Variants in RAP1A observed in about 807,000 individuals in gnomAD.
The protein encoded by RAP1A is ras-related protein Rap-1A.
A neutral mutation model predicts 26.4 loss-of-function variants in RAP1A; 6 were observed. The ratio of observed to expected loss-of-function variants is 0.23; its 90% CI spans 0.12 to 0.45. The LOEUF is 0.45. Among genes scored for constraint, RAP1A ranks in the 20% least tolerant of loss-of-function variants. RAP1A has a pLI of 0.99. For missense variants in RAP1A, 121 were observed against 217.2 expected (o/e 0.56, Z 2.78); for synonymous variants, 73 against 79.4 (o/e 0.92, Z 0.43).
chr1:111,616,351 C>T (rs1244659423), upstream of RAP1A, among the ~76,000 whole-genome samples: 1 of 152,200 alleles, frequency 6.6e-6, no homozygotes, highest in Non-Finnish European at 1.5e-5. Flanking sequence ...TCAACCTCTC[C>T]AAACCAATGG....
intron 1 of RAP1A, among the ~76,000 whole-genome samples, chr1:111,659,073 A>G (rs1364488283): frequency 1.3e-5 from 2 of 151,930 alleles, no homozygotes; most frequent in African/African-American, 4.8e-5. Flanking sequence ...TCTTTTTATT[A>G]GTGTTAGCAT....
intron 1 of RAP1A, among the ~76,000 whole-genome samples, chr1:111,561,553 A>G (rs2101047965): frequency 6.6e-6 from 1 of 152,312 alleles, no homozygotes; most frequent in South Asian, 2.1e-4. Flanking sequence ...ACTGAGATAC[A>G]GAGGTCATAG....
At chr1:111,664,226 T>C (rs1288718099) in intron 1 of RAP1A, among the ~76,000 whole-genome samples, 1 of 151,810 alleles carries the variant, frequency 6.6e-6, no homozygotes, top group Non-Finnish European at 1.5e-5. Flanking sequence ...ACAAAAAAAT[T>C]ATCCGGGCAT....
At chr1:111,669,339 T>C (rs182577449) in intron 1 of RAP1A, among the ~76,000 whole-genome samples, 145 of 152,336 alleles carry the variant, frequency 9.5e-4, no homozygotes, top group Non-Finnish European at 1.8e-3. Flanking sequence ...GATTTGACTA[T>C]GTGACAAGGC....
chr1:111,632,187 A>G (rs1168822763), intron 1 of RAP1A, among the ~76,000 whole-genome samples: 1 of 149,004 alleles, frequency 6.7e-6, no homozygotes, highest in African/African-American at 2.5e-5. Context: ...TGAACTCATA[A>G]TTCTGGGTCA....
upstream of RAP1A, among the ~76,000 whole-genome samples, chr1:111,618,035 C>T (rs1443460546): frequency 1.7e-5 from 2 of 117,974 alleles, no homozygotes; most frequent in African/African-American, 3.3e-5. Context: ...GAGCAAGACT[C>T]CGCCTCAAAA....
intron 1 of RAP1A, among the ~76,000 whole-genome samples, chr1:111,613,926 TTC>T (rs1406247331): frequency 2.0e-5 from 3 of 152,210 alleles, no homozygotes; most frequent in African/African-American, 7.2e-5. Flanking sequence ...CTCGCTTATA[TTC>T]TCTCTCTCTA....
intron 3 of RAP1A, among the ~76,000 whole-genome samples, 165 bp from the exon 4 acceptor site, chr1:111,697,276 C>T (rs1329912711): frequency 2.0e-5 from 3 of 152,074 alleles, no homozygotes; most frequent in Admixed American, 1.3e-4. Context: ...TACTTGAGAC[C>T]GCTGTTCTTT....
At chr1:111,623,291 G>A (rs1659280696) in intron 1 of RAP1A, among the ~76,000 whole-genome samples, 3 of 152,084 alleles carry the variant, frequency 2.0e-5, no homozygotes, top group Admixed American at 6.5e-5. Flanking sequence ...CTCCAAAAGT[G>A]TTGGGATTAC....
upstream of RAP1A, among the ~76,000 whole-genome samples, chr1:111,615,604 A>G (rs1658997908): frequency 6.6e-6 from 1 of 152,092 alleles, no homozygotes; most frequent in South Asian, 2.1e-4. Context: ...AGGCTGAGGC[A>G]GGCAGATCAT....
At chr1:111,607,942 A>C (rs1245415249) in intron 1 of RAP1A, among the ~76,000 whole-genome samples, 12 of 109,616 alleles carry the variant, frequency 1.1e-4, no homozygotes, top group Non-Finnish European at 1.9e-4. Context: ...TAGAGGCGGC[A>C]GGGCAGAGGC....
At position 111,716,652 on chromosome 1, in the gene RAP1A, C is replaced by G. The variant is rs1662548859; in HGVS notation, c.*4251C>G. 6.6e-6 allele frequency: 1 copy of G among 152,138 alleles called. No homozygotes were observed. Among genetic ancestry groups the G allele is most frequent in the South Asian group, 2.1e-4 (1 of 4,822 alleles). 9.4% of individuals were successfully genotyped at this position (152,138 alleles called of 1,614,324 possible). ...CTCAAGAAGCAAGAGATTGGCTGTT[C>G]CTCTTGAGGAAAAACCTTAATAAAC... On this transcript the variant is annotated 3_prime_UTR_variant, in exon 8 of 8. Coordinates refer to ENST00000369709, the MANE Select transcript of RAP1A (RefSeq NM_002884.4).
intron 1 of RAP1A, among the ~76,000 whole-genome samples, chr1:111,669,402 G>T (rs6695606): frequency 0.014 from 2,097 of 152,318 alleles, 45 homozygotes; most frequent in African/African-American, 0.049. Context: ...GATCATGCCT[G>T]TGAGAGGAAA....
At chr1:111,696,456 T>C (rs1661829815) in intron 3 of RAP1A, among the ~76,000 whole-genome samples, 2 of 152,184 alleles carry the variant, frequency 1.3e-5, no homozygotes, top group Admixed American at 1.3e-4. Flanking sequence ...TCACTGAACA[T>C]TCCCAGTTAC....
chr1:111,554,953 C>G (rs1657420032), intron 1 of RAP1A, among the ~76,000 whole-genome samples: 1 of 151,762 alleles, frequency 6.6e-6, no homozygotes, highest in Admixed American at 6.6e-5. Context: ...GAAAAAGTGA[C>G]CTACCGAGAC....
chr1:111,585,617 C>G (rs1328139428), intron 1 of RAP1A, among the ~76,000 whole-genome samples: 1 of 152,108 alleles, frequency 6.6e-6, no homozygotes, highest in Admixed American at 6.5e-5. Flanking sequence ...AATAAATTTC[C>G]TCTGCCTCAA....
chr1:111,550,692 C>T lies in RAP1A; in HGVS notation c.-28+8183C>T, dbSNP rs547617560. Among the ~76,000 whole-genome samples, 5 of 152,334 alleles carry T rather than the reference C, an allele frequency of 3.3e-5. No individual in the cohort carries two copies. The South Asian group carries it at 1.0e-3, about 32-fold the overall frequency. On this transcript the variant is annotated intron_variant, in intron 1 of 7. Coordinates refer to the RAP1A transcript ENST00000356415. The stretch of plus-strand genomic sequence containing the variant: ...TCCAACATTTTAAAAGATGGGGTCT[C>T]ACTATGTTGCCCAGCAGGCCTTGAA...
chr1:111,704,556 T>C (rs1170220081), intron 6 of RAP1A, 70 bp downstream of exon 6: 2 of 1,437,954 alleles, frequency 1.4e-6, no homozygotes, highest in Middle Eastern at 1.9e-4. Flanking sequence ...AGCCAGACTT[T>C]TAAGAAAAAA....
chr1:111,688,783 G>A (rs1213163857), intron 1 of RAP1A, among the ~76,000 whole-genome samples: 1 of 149,556 alleles, frequency 6.7e-6, no homozygotes, highest in Non-Finnish European at 1.5e-5. Flanking sequence ...GAGTTACTTG[G>A]ATGTGTAGAT....
Sources: gnomAD v4.1 joint callset for allele counts (sites outside exome capture counted in the v4.1 genomes callset) on GRCh38, gnomAD v4.1.1 for gene constraint, MANE v1.5 for transcripts, NCBI Gene and HGNC (gene_info 2026-07-23, HGNC 2026-07-21) for gene names.